SYNE1: variants seen among roughly 807,000 people sequenced by gnomAD.
The protein encoded by SYNE1 is spectrin repeat containing nuclear envelope protein 1, also known as nesprin-1.
A neutral mutation model predicts 1,111.0 loss-of-function variants in SYNE1; 616 were observed. The observed-to-expected ratio is 0.55, with a 90% CI of 0.52 to 0.59. SYNE1 has a LOEUF of 0.59. Ranked by LOEUF, SYNE1 falls within the 20% of genes least tolerant of loss-of-function variation. SYNE1 has a pLI of 0.00. For synonymous variants in SYNE1, 3,855 were observed against 3,825.8 expected, an observed-to-expected ratio of 1.01 and a Z score of -0.28; for missense variants, 10,006 against 10,417.0, an observed-to-expected ratio of 0.96 and a Z score of 1.72.
intron 76 of SYNE1, chr6:152,336,096 T>C (rs889817667): frequency 4.6e-5 from 7 of 152,122 alleles, no homozygotes; most frequent in Non-Finnish European, 1.0e-4. Context: ...ATATAACTAA[T>C]GAATTGATAA....
chr6:152,236,170 C>G lies in SYNE1; in HGVS notation c.20333G>C (p.Ser6778Thr). The stretch of plus-strand genomic sequence containing the variant: ...TTCCTTAGACATTTTATTGGTGTTA[C>G]TTAGCCAGCACTCTCCAAGTTGATT... ...QLNQLGECWL[S>T]NTNKMSKELH... Residue 6778 changes from serine (S) to threonine (T), a missense_variant, in exon 110 of 146, where the codon AGT (serine) becomes ACT (threonine). Physicochemically the swap from Ser to Thr is moderately conservative, Grantham distance 58. This residue lies in a region of SYNE1 where 2,182 missense variants were observed against 2,287.8 expected (regional missense o/e 0.95). Coordinates refer to ENST00000367255, the MANE Select transcript of SYNE1 (RefSeq NM_182961.4). 1 of 1,614,154 alleles carries G rather than the reference C, an allele frequency of 6.2e-7. No individual in the cohort carries two copies. Among genetic ancestry groups the G allele is most frequent in the Non-Finnish European group, 8.5e-7 (1 of 1,180,026 alleles).
rs1165810511 is a variant in SYNE1, at chr6:152,417,003, C to G, written c.5434G>C (p.Glu1812Gln). The change falls in exon 41 of 146, where the codon GAA becomes CAA. Residue 1812 changes from glutamate (E) to glutamine (Q), a missense_variant. Glu to Gln is a conservative substitution (Grantham distance 29). Coordinates refer to ENST00000367255, the MANE Select transcript of SYNE1 (RefSeq NM_182961.4). ...ALTRHKDHAAEVESKKGELQS... is the reference protein window; with the variant it reads ...ALTRHKDHAAQVESKKGELQS... Reference sequence around the variant, plus strand: ...AATTCGCCCTTTTTGCTCTCTACTTCTGCTGCGTGGTCCTGGAAGGGAAGA... The same window carrying G: ...AATTCGCCCTTTTTGCTCTCTACTTGTGCTGCGTGGTCCTGGAAGGGAAGA... The G allele has an allele frequency of 2.0e-5, 32 of 1,614,020 alleles. No individual in the cohort carries two copies. The highest frequency in any genetic ancestry group is 2.6e-5 in the Non-Finnish European group (31 of 1,180,048).
intron 62 of SYNE1, 37 bp from the exon 63 acceptor site, chr6:152,365,056 A>G (rs768181562): frequency 3.0e-5 from 48 of 1,611,146 alleles, no homozygotes; most frequent in Non-Finnish European, 3.9e-5. Flanking sequence ...TGTCATTTGT[A>G]TGTTTAACAT....
chr6:152,456,915 A>G (rs753188960), intron 22 of SYNE1: 19 of 243,282 alleles, frequency 7.8e-5, no homozygotes, highest in Non-Finnish European at 1.4e-4. Context: ...AAACAGAATA[A>G]AGACATACTT....
chr6:152,332,019 G>A (rs2096259500), intron 77 of SYNE1, 129 bp from the exon 78 acceptor site: 26 of 1,333,808 alleles, frequency 1.9e-5, no homozygotes, highest in South Asian at 2.5e-5. Flanking sequence ...TTCCCAGGCT[G>A]GAGTGCAATG....
chr6:152,542,006 G>A (rs1414562414), intron 3 of SYNE1, among the ~76,000 whole-genome samples: 1 of 152,130 alleles, frequency 6.6e-6, no homozygotes, highest in Admixed American at 6.5e-5. Flanking sequence ...ACCTTCAAAA[G>A]AAGAATTGAA....
chr6:152,285,994 A>C (rs146087595), intron 95 of SYNE1, among the ~76,000 whole-genome samples: 18 of 152,332 alleles, frequency 1.2e-4, no homozygotes, highest in Non-Finnish European at 2.5e-4. Flanking sequence ...CATAGTTTCC[A>C]ATGTGCCCTT....
At chr6:152,129,335 C>T (rs2459111) in intron 145 of SYNE1, 48,400 of 152,004 alleles carry the variant, frequency 0.32, 8,040 homozygotes, top group Admixed American at 0.4. Context: ...CTCTGGTATC[C>T]TCGAAGGAAT....
rs1586235808 is a variant in SYNE1 at position 152,149,800 on chromosome 6, A to G, written c.24451-132T>C. On this transcript the variant is annotated intron_variant, in intron 135 of 145. Coordinates refer to ENST00000367255, the MANE Select transcript of SYNE1 (RefSeq NM_182961.4). ...GCTATTTAATTGACCATATACAATC[A>G]CAAGACAAGAGTCTATTACCTTCTA... The G allele has an allele frequency of 5.1e-6, 4 of 777,302 alleles. No individual in the cohort carries two copies. In the East Asian group the frequency reaches 1.1e-4, roughly 21 times the overall value. The allele number at this position is 777,302 out of a possible 1,614,324, so 48.2% of individuals were successfully genotyped here.
At chr6:152,264,343 A>G (rs2092451412) in intron 100 of SYNE1, among the ~76,000 whole-genome samples, 1 of 152,040 alleles carries the variant, frequency 6.6e-6, no homozygotes, top group South Asian at 2.1e-4. Context: ...CTAGATATTA[A>G]TTAATATTTT....
At chr6:152,571,459 C>A (rs1464493621) in intron 3 of SYNE1, among the ~76,000 whole-genome samples, 2 of 152,076 alleles carry the variant, frequency 1.3e-5, no homozygotes, top group Non-Finnish European at 2.9e-5. Context: ...TCCTGTAGCA[C>A]CACGAAATTT....
chr6:152,248,829 T>A (rs1193948544), intron 105 of SYNE1, among the ~76,000 whole-genome samples: 3 of 152,188 alleles, frequency 2.0e-5, no homozygotes, highest in African/African-American at 7.2e-5. Flanking sequence ...GTACCCATAA[T>A]GCTTTGTCAG....
chr6:152,180,637 G>C (rs775353229), intron 128 of SYNE1, among the ~76,000 whole-genome samples: 3 of 149,654 alleles, frequency 2.0e-5, no homozygotes, highest in Non-Finnish European at 3.0e-5. Context: ...GGAAGTAAAA[G>C]GAAAGAGAGA....
chr6:152,239,974 C>T (rs1400480899), intron 107 of SYNE1, among the ~76,000 whole-genome samples: 2 of 152,190 alleles, frequency 1.3e-5, no homozygotes, highest in Non-Finnish European at 2.9e-5. Flanking sequence ...ACAAGAATCG[C>T]TTGAACCTGG....
At chr6:152,492,095 T>C (rs1211736142) in intron 11 of SYNE1, among the ~76,000 whole-genome samples, 1 of 152,196 alleles carries the variant, frequency 6.6e-6, no homozygotes, top group Non-Finnish European at 1.5e-5. Flanking sequence ...GTGTTCAGGC[T>C]CTTTTTCGTC....
At chr6:152,470,637 A>T (rs1362619030) in intron 16 of SYNE1, among the ~76,000 whole-genome samples, 2 of 152,162 alleles carry the variant, frequency 1.3e-5, no homozygotes, top group African/African-American at 4.8e-5. Flanking sequence ...AAATGTAGCA[A>T]AACAGATTAT....
chr6:152,494,238 G>A (rs932733578), intron 11 of SYNE1, among the ~76,000 whole-genome samples: 18 of 152,030 alleles, frequency 1.2e-4, no homozygotes, highest in Non-Finnish European at 2.4e-4. Flanking sequence ...CACTTGATGC[G>A]TATACTTTCT....
intron 3 of SYNE1, among the ~76,000 whole-genome samples, chr6:152,596,266 G>GTTTTTTTTT (rs1480694776): frequency 8.4e-6 from 1 of 118,732 alleles, no homozygotes; most frequent in Non-Finnish European, 1.6e-5. Context: ...TTTTTTGTTT[G>GTTTTTTTTT]TTTGTTTTTT....
At chr6:152,590,117 T>G (rs1424276118) in intron 3 of SYNE1, among the ~76,000 whole-genome samples, 3 of 150,534 alleles carry the variant, frequency 2.0e-5, no homozygotes, top group African/African-American at 4.9e-5. Flanking sequence ...TTATTATTAT[T>G]ATTATTATTT....
Sources: gnomAD v4.1 joint callset for allele counts (sites outside exome capture counted in the v4.1 genomes callset) on GRCh38, gnomAD v4.1.1 for gene constraint, gnomAD v4.1.1 regional missense constraint, MANE v1.5 for transcripts, NCBI Gene and HGNC (gene_info 2026-07-23, HGNC 2026-07-21) for gene names.